ZNF43: variants seen among roughly 807,000 people sequenced by gnomAD.
ZNF43 encodes the protein zinc finger protein 43.
Under a neutral mutation model 68.4 loss-of-function variants are expected in ZNF43, and 44 were observed. That is an observed-to-expected ratio of 0.64 (90% CI 0.51 to 0.83). The LOEUF (loss-of-function observed/expected upper bound fraction) is 0.83. Ranked by LOEUF, ZNF43 falls within the 40% of genes least tolerant of loss-of-function variation. The pLI is 0.00. For synonymous variants in ZNF43, 308 were observed against 307.8 expected (o/e 1.00, Z -0.01); for missense variants, 896 against 933.2 (o/e 0.96, Z 0.52).
chr19:21,837,348 CTG>C (rs1377491792), upstream of ZNF43, among the ~76,000 whole-genome samples: 1 of 146,440 alleles, frequency 6.8e-6, no homozygotes, highest in Non-Finnish European at 1.5e-5. Context: ...TGACCATTCT[CTG>C]TGATTTTGAA....
Position 21,836,050 on chromosome 19 carries a change from C to A in ZNF43, c.-12G>T. On this transcript the variant is annotated 5_prime_UTR_variant, in exon 1 of 4. Coordinates refer to ENST00000354959, the MANE Select transcript of ZNF43 (RefSeq NM_003423.4). ...GGCACTCTCACCATTTCTAGGCTTC[C>A]GGGGGGTCCTGGCGTCTTAGCTGTG... 6.2e-7 allele frequency: 1 copy of A among 1,613,872 alleles called. No homozygotes were observed.
upstream of ZNF43, among the ~76,000 whole-genome samples, chr19:21,837,620 A>G (rs1422023973): frequency 2.0e-5 from 3 of 151,808 alleles, no homozygotes; most frequent in Non-Finnish European, 4.4e-5. Context: ...ATTTATTCAG[A>G]TTACTCGATA....
intron 1 of ZNF43, among the ~76,000 whole-genome samples, chr19:21,822,622 A>G (rs533974601): frequency 3.3e-5 from 5 of 152,044 alleles, no homozygotes; most frequent in African/African-American, 1.2e-4. Flanking sequence ...TGGCTAACAC[A>G]GTGAAACCCT....
At chr19:21,829,445 TTC>T (rs2145301906) in intron 1 of ZNF43, among the ~76,000 whole-genome samples, 1 of 152,322 alleles carries the variant, frequency 6.6e-6, no homozygotes, top group Middle Eastern at 3.4e-3. Flanking sequence ...CGTACTAAAC[TTC>T]TGTGTGCTCT....
intron 1 of ZNF43, chr19:21,826,570 T>A (rs2038131618): frequency 6.6e-6 from 1 of 152,288 alleles, no homozygotes; most frequent in Non-Finnish European, 1.5e-5. Context: ...CTGAGTGCAG[T>A]GGCTCACACC....
chr19:21,816,068 AAAAAG>A (rs1420823530), intron 3 of ZNF43, among the ~76,000 whole-genome samples: 3 of 151,992 alleles, frequency 2.0e-5, no homozygotes, highest in Non-Finnish European at 2.9e-5. Context: ...CGCAAAAAAA[AAAAAG>A]AAAAGAAAAG....
chr19:21,819,241 C>T lies in ZNF43; in HGVS notation c.4-20G>A, dbSNP rs772511588. 4 of 1,553,360 alleles carry T rather than the reference C, an allele frequency of 2.6e-6. No individual in the cohort carries two copies. In the Middle Eastern group the frequency reaches 5.2e-4, roughly 201 times the overall value. On this transcript the variant is annotated intron_variant, in intron 1 of 3. Transcript: ENST00000354959. ...TGGTCCCTAAAAAAAACAACACATACACACACAAACACACACATTTACCAA... is the reference window on the plus strand; with the variant it reads ...TGGTCCCTAAAAAAAACAACACATATACACACAAACACACACATTTACCAA...
intron 1 of ZNF43, among the ~76,000 whole-genome samples, chr19:21,822,819 TAAAG>T (rs987029679): frequency 1.3e-5 from 2 of 150,992 alleles, no homozygotes; most frequent in African/African-American, 4.9e-5. Context: ...AAAAAAAAAA[TAAAG>T]AATTGTGTTC....
At chr19:21,835,931 TG>T in intron 1 of ZNF43, 104 bp downstream of exon 1, 2 of 1,587,306 alleles carry the variant, frequency 1.3e-6, no homozygotes, top group Non-Finnish European at 1.7e-6. Flanking sequence ...GAGGCCGAGC[TG>T]GGCAAGAACT....
Position 21,817,962 on chromosome 19 carries a change from A to G in ZNF43, c.155T>C (p.Leu52Pro). The change falls in exon 3 of 4, where the codon CTG becomes CCG. Residue 52 changes from leucine to proline, a missense_variant. Transcript: ENST00000354959. ...TTTTTCTTGCTCCAGACAGGTGATC[A>G]GGTCTGGCTTAGAGACAGCAATACC... The part of the protein sequence containing the change: ...FLGIAVSKPD[L>P]ITCLEQEKEP... 6.2e-7 allele frequency: 1 copy of G among 1,613,442 alleles called. No homozygotes were observed.
chr19:21,825,974 G>T (rs1426184540), intron 1 of ZNF43, among the ~76,000 whole-genome samples: 1 of 152,134 alleles, frequency 6.6e-6, no homozygotes, highest in Non-Finnish European at 1.5e-5. Context: ...GCTTAAACCC[G>T]AGAGGCAGAG....
chr19:21,818,066 G>A, intron 2 of ZNF43, 80 bp from the exon 3 acceptor site: 1 of 1,391,664 alleles, frequency 7.2e-7, no homozygotes, highest in East Asian at 2.4e-5. Context: ...CAGTATGAAG[G>A]GTGTGATAGA....
intron 1 of ZNF43, among the ~76,000 whole-genome samples, chr19:21,842,642 T>G (rs1164889928): frequency 6.6e-6 from 1 of 151,998 alleles, no homozygotes; most frequent in Non-Finnish European, 1.5e-5. Flanking sequence ...ACCTAGGAAT[T>G]GAGACTAGTT....
Position 21,817,956 on chromosome 19 carries a change from G to A in ZNF43, c.161C>T (p.Thr54Ile). 6.2e-7 allele frequency: 1 copy of A among 1,613,428 alleles called. No homozygotes were observed. Among genetic ancestry groups the A allele is most frequent in the Non-Finnish European group, 8.5e-7 (1 of 1,179,594 alleles). Residue 54 changes from threonine to isoleucine, a missense_variant, in exon 3 of 4, where the codon ACC (threonine) becomes ATC (isoleucine). Physicochemically the swap from Thr to Ile is moderately conservative, Grantham distance 89. Transcript: ENST00000354959. ...GIAVSKPDLI[T>I]CLEQEKEPWE... Reference sequence around the variant, plus strand: ...AGGCTCTTTTTCTTGCTCCAGACAGGTGATCAGGTCTGGCTTAGAGACAGC... The same window carrying A: ...AGGCTCTTTTTCTTGCTCCAGACAGATGATCAGGTCTGGCTTAGAGACAGC...
At chr19:21,840,744 T>C (rs1318964552), upstream of ZNF43, 1 of 152,224 alleles carries the variant, frequency 6.6e-6, no homozygotes, top group Non-Finnish European at 1.5e-5. Flanking sequence ...TATAGAACTC[T>C]CTATACTACC....
chr19:21,811,669 G>C (rs571721195), intron 3 of ZNF43, among the ~76,000 whole-genome samples: 1 of 152,004 alleles, frequency 6.6e-6, no homozygotes, highest in Admixed American at 6.6e-5. Context: ...CAGATAAGTA[G>C]ATGAAAGAAC....
Position 21,819,166 on chromosome 19 carries a change from C to T in ZNF43, c.59G>A (p.Cys20Tyr), listed in dbSNP as rs1233000037. The change falls in exon 2 of 4, where the codon TGC becomes TAC. Residue 20 changes from cysteine to tyrosine, a missense_variant. Coordinates refer to ENST00000354959, the MANE Select transcript of ZNF43 (RefSeq NM_003423.4). ...AIEFCLEEWQ[C>Y]LDIAQQNLYR... Reference sequence around the variant, plus strand: ...TAAATTCTGCTGTGCAATGTCCAGGCATTGCCACTCCTCCAGACAGAATTC... The same window carrying T: ...TAAATTCTGCTGTGCAATGTCCAGGTATTGCCACTCCTCCAGACAGAATTC... The T allele has an allele frequency of 1.2e-5, 19 of 1,609,002 alleles. No individual in the cohort carries two copies. The highest frequency in any genetic ancestry group is 1.6e-5 in the Non-Finnish European group (19 of 1,178,332).
At chr19:21,848,905 A>G (rs1435773107) in intron 1 of ZNF43, among the ~76,000 whole-genome samples, 2 of 152,190 alleles carry the variant, frequency 1.3e-5, no homozygotes, top group Admixed American at 6.5e-5. Context: ...GTCCTCAGGA[A>G]GGTAGACTTC....
chr19:21,846,137 G>A (rs1568394202), intron 1 of ZNF43, among the ~76,000 whole-genome samples: 1 of 152,170 alleles, frequency 6.6e-6, no homozygotes, highest in Non-Finnish European at 1.5e-5. Flanking sequence ...TGTTTGCAGA[G>A]CTCAGGAAGA....
Sources: allele counts gnomAD v4.1 joint callset (sites outside exome capture counted in the v4.1 genomes callset), GRCh38; gene constraint gnomAD v4.1.1; transcripts MANE v1.5; gene names NCBI Gene and HGNC (gene_info 2026-07-23, HGNC 2026-07-21).